TMEM132C: variants seen among roughly 807,000 people sequenced by gnomAD.
TMEM132C encodes the protein transmembrane protein 132C.
A neutral mutation model predicts 61.4 loss-of-function variants in TMEM132C; 29 were observed. That is an observed-to-expected ratio of 0.47 (90% CI 0.35 to 0.64). The LOEUF is 0.64. Among genes scored for constraint, TMEM132C ranks in the 30% least tolerant of loss-of-function variants. The pLI is 0.00. For missense variants in TMEM132C, 1,408 were observed against 1,476.9 expected, an observed-to-expected ratio of 0.95 and a Z score of 0.76; for synonymous variants, 656 against 633.1, an observed-to-expected ratio of 1.04 and a Z score of -0.54.
At chr12:128,641,961 ATTTTTTT>A (rs34283461) in intron 4 of TMEM132C, among the ~76,000 whole-genome samples, 2 of 128,744 alleles carry the variant, frequency 1.6e-5, no homozygotes, top group Non-Finnish European at 3.3e-5. Flanking sequence ...TGCCCGGCTA[ATTTTTTT>A]TTTTTTTTTT....
intron 1 of TMEM132C, among the ~76,000 whole-genome samples, chr12:128,384,963 C>T (rs1874527849): frequency 6.6e-6 from 1 of 152,258 alleles, no homozygotes; most frequent in African/African-American, 2.4e-5. Flanking sequence ...GTGATCTTCA[C>T]ATTCACGTCT....
chr12:128,468,983 T>C (rs769364166), intron 2 of TMEM132C, among the ~76,000 whole-genome samples: 1 of 152,240 alleles, frequency 6.6e-6, no homozygotes, highest in Non-Finnish European at 1.5e-5. Context: ...TTCCTTCTAG[T>C]TCTCTAACTC....
chr12:128,377,684 C>A (rs1221691859), intron 1 of TMEM132C, among the ~76,000 whole-genome samples: 8 of 152,148 alleles, frequency 5.3e-5, no homozygotes, highest in Non-Finnish European at 1.2e-4. Flanking sequence ...ATATTTCAAA[C>A]CGTGGGACAC....
At chr12:128,506,966 G>A (rs931987163) in intron 2 of TMEM132C, among the ~76,000 whole-genome samples, 1 of 152,034 alleles carries the variant, frequency 6.6e-6, no homozygotes, top group Non-Finnish European at 1.5e-5. Flanking sequence ...ACTAGTGGTG[G>A]CCACTTTTCC....
chr12:128,415,173 G>T lies in TMEM132C; in HGVS notation c.527G>T (p.Arg176Leu). 1 of 1,610,520 alleles carries T rather than the reference G, an allele frequency of 6.2e-7. No individual in the cohort carries two copies. Among genetic ancestry groups the T allele is most frequent in the Non-Finnish European group, 8.5e-7 (1 of 1,178,410 alleles). ...CCATGCCTGAGGGTCTTTGCTTTCC[G>T]AGAAACCAGAGAGGTGCGGGGCAGC... ...KLPCLRVFAF[R>L]ETREVRGSCR... The change falls in exon 2 of 9, where the codon CGA becomes CTA. Residue 176 changes from arginine to leucine, a missense_variant. Coordinates refer to ENST00000435159, the MANE Select transcript of TMEM132C (RefSeq NM_001136103.3). This position sits in a 1 kb window ranked among gnomAD's most constrained non-coding sequence, Gnocchi z 5.8.
At chr12:128,316,745 AT>A (rs963860950) in intron 1 of TMEM132C, among the ~76,000 whole-genome samples, 8 of 152,030 alleles carry the variant, frequency 5.3e-5, no homozygotes, top group African/African-American at 1.9e-4. Flanking sequence ...CCTCAAGTTA[AT>A]TTTTTTGTCT....
intron 4 of TMEM132C, among the ~76,000 whole-genome samples, chr12:128,624,543 C>CAAAAA (rs752979852): frequency 1.2e-4 from 4 of 32,870 alleles, no homozygotes; most frequent in Non-Finnish European, 1.9e-4. Flanking sequence ...GACTCCATCT[C>CAAAAA]AAAAAAAAAA....
At chr12:128,681,817 ATTTTT>A (rs35154554) in intron 5 of TMEM132C, among the ~76,000 whole-genome samples, 7 of 86,446 alleles carry the variant, frequency 8.1e-5, no homozygotes, top group African/African-American at 2.9e-4. Flanking sequence ...CCACGCCTGG[ATTTTT>A]TTTTTTTTTT....
chr12:128,515,166 A>C (rs1431113897), intron 2 of TMEM132C, among the ~76,000 whole-genome samples: 3 of 152,184 alleles, frequency 2.0e-5, no homozygotes, highest in South Asian at 2.1e-4. Flanking sequence ...GTTCTCCCCT[A>C]CATGCTGGAG....
At chr12:128,468,719 G>A (rs1870826518) in intron 2 of TMEM132C, among the ~76,000 whole-genome samples, 1 of 152,056 alleles carries the variant, frequency 6.6e-6, no homozygotes. Context: ...TTCCCAAAAT[G>A]TCTCATGTGT....
chr12:128,594,538 C>T (rs1207074544), intron 3 of TMEM132C, among the ~76,000 whole-genome samples: 2 of 152,166 alleles, frequency 1.3e-5, no homozygotes, highest in Non-Finnish European at 2.9e-5. Flanking sequence ...GGACCTCCCA[C>T]CCCTGCACCT....
At chr12:128,589,149 A>G (rs1875656528) in intron 3 of TMEM132C, among the ~76,000 whole-genome samples, 1 of 152,134 alleles carries the variant, frequency 6.6e-6, no homozygotes. Context: ...AGAGGGATCC[A>G]CAGACTCCCG....
At chr12:128,569,844 G>A (rs1021348220) in intron 3 of TMEM132C, among the ~76,000 whole-genome samples, 5 of 152,184 alleles carry the variant, frequency 3.3e-5, no homozygotes, top group African/African-American at 1.2e-4. Context: ...ATAGAGCCCT[G>A]ATCGCATTCC....
intron 3 of TMEM132C, among the ~76,000 whole-genome samples, chr12:128,586,928 G>C (rs895919887): frequency 3.0e-4 from 46 of 152,266 alleles, no homozygotes; most frequent in African/African-American, 1.1e-3. Context: ...CACAGGACAT[G>C]GGAAAAAACA....
At chr12:128,355,024 C>T (rs563017908) in intron 1 of TMEM132C, among the ~76,000 whole-genome samples, 81 of 152,352 alleles carry the variant, frequency 5.3e-4, no homozygotes, top group African/African-American at 1.9e-3. Flanking sequence ...AGTGGGGAAA[C>T]CATCCCGGTT....
chr12:128,547,606 T>C lies in TMEM132C; in HGVS notation c.1121+3503T>C, dbSNP rs376001839. Among the ~76,000 whole-genome samples the C allele has an allele frequency of 3.9e-5, 6 of 152,066 alleles. No individual in the cohort carries two copies. The East Asian group carries it at 5.8e-4, about 15-fold the overall frequency. On this transcript the variant is annotated intron_variant, in intron 3 of 8. Coordinates refer to ENST00000435159, the MANE Select transcript of TMEM132C (RefSeq NM_001136103.3). ...AAAGAAATATCTCATTGTGAGCTTT[T>C]GCATTTAGGTGAGTCACCAATTTGA...
chr12:128,583,702 C>T (rs189437103), intron 3 of TMEM132C, among the ~76,000 whole-genome samples: 44 of 152,306 alleles, frequency 2.9e-4, no homozygotes, highest in African/African-American at 9.1e-4. Context: ...TGAGTATTCC[C>T]GAGCACCCCC....
chr12:128,700,454 C>T (rs1424761901), intron 8 of TMEM132C, among the ~76,000 whole-genome samples: 3 of 152,072 alleles, frequency 2.0e-5, no homozygotes, highest in African/African-American at 4.8e-5. Flanking sequence ...GCTTTAATTC[C>T]GATTGTCTGC....
chr12:128,461,656 C>A (rs962427810), intron 2 of TMEM132C, among the ~76,000 whole-genome samples: 1 of 152,182 alleles, frequency 6.6e-6, no homozygotes, highest in Non-Finnish European at 1.5e-5. Flanking sequence ...GTCCAGCCCA[C>A]CTCATTGTTC....
Sources: allele counts gnomAD v4.1 joint callset (sites outside exome capture counted in the v4.1 genomes callset), GRCh38; gene constraint gnomAD v4.1.1; non-coding constraint Gnocchi (gnomAD v3.1); transcripts MANE v1.5; gene names NCBI Gene and HGNC (gene_info 2026-07-23, HGNC 2026-07-21).